The following DCLK3 variants were observed in gnomAD, a reference collection of about 807,000 sequenced individuals.
DCLK3 encodes serine/threonine-protein kinase DCLK3.
Under a neutral mutation model 46.4 loss-of-function variants are expected in DCLK3, and 30 were observed. That is an observed-to-expected ratio of 0.65 (90% confidence interval 0.48 to 0.88). DCLK3 has a LOEUF of 0.88. Ranked by LOEUF, DCLK3 falls within the 40% of genes least tolerant of loss-of-function variation. The pLI is 0.00. For missense variants in DCLK3, 846 were observed against 907.1 expected (o/e 0.93, Z 0.87); for synonymous variants, 401 against 339.2 (o/e 1.18, Z -2.00).
chr3:36,727,866 G>A (rs976954900), intron 2 of DCLK3, among the ~76,000 whole-genome samples: 5 of 152,082 alleles, frequency 3.3e-5, no homozygotes, highest in African/African-American at 9.7e-5. Context: ...GCTTATTTTT[G>A]CAACAAGCAC....
In DCLK3 at chr3:36,715,030, A is replaced by T; in HGVS notation, c.*298T>A. ...GGTAAGCACCACTCCTGTAGTACAGAATAAACTTGGTTACAAAGGGGAAGC... is the reference window on the plus strand; with the variant it reads ...GGTAAGCACCACTCCTGTAGTACAGTATAAACTTGGTTACAAAGGGGAAGC... On this transcript the variant is annotated 3_prime_UTR_variant, in exon 5 of 5. Coordinates refer to ENST00000636136, the MANE Select transcript of DCLK3 (RefSeq NM_001394672.2). 1 of 345,238 alleles carries T rather than the reference A, an allele frequency of 2.9e-6. No homozygotes were observed. The highest frequency in any genetic ancestry group is 5.4e-6 in the Non-Finnish European group (1 of 186,894). 21.4% of individuals were successfully genotyped at this position (345,238 alleles called of 1,614,324 possible). A position where few individuals can be genotyped will look rare whatever the true frequency, so the allele number is the denominator to read the frequency against.
chr3:36,715,372 G>C lies in DCLK3; in HGVS notation c.2410C>G (p.His804Asp), dbSNP rs200497284. 3.7e-6 allele frequency: 6 copies of C among 1,614,032 alleles called. No individual in the cohort carries two copies. The African/African-American group carries it at 8.0e-5, about 22-fold the overall frequency. ...QKQVSPSSEG[H>D]FRSQHKRVVE... ...ACCCTCTTGTGCTGGCTCCGGAAGTGACCCTCGCTGCTGGGGGACACCTGC... is the reference window on the plus strand; with the variant it reads ...ACCCTCTTGTGCTGGCTCCGGAAGTCACCCTCGCTGCTGGGGGACACCTGC... Residue 804 changes from histidine to aspartate, a missense_variant, in exon 5 of 5, where the codon CAC becomes GAC. Around this residue, in one of 3 missense-constraint regions of DCLK3, gnomAD observed 46 missense variants for 41.3 expected, o/e 1.11. Coordinates refer to ENST00000636136, the MANE Select transcript of DCLK3 (RefSeq NM_001394672.2).
chr3:36,750,242 A>G (rs556811121), intron 1 of DCLK3, among the ~76,000 whole-genome samples: 3 of 151,960 alleles, frequency 2.0e-5, no homozygotes, highest in Non-Finnish European at 4.4e-5. Context: ...TACCACGCCC[A>G]GTTAATTTTT....
chr3:36,746,883 G>A (rs1341084046), intron 1 of DCLK3, among the ~76,000 whole-genome samples: 1 of 152,174 alleles, frequency 6.6e-6, no homozygotes, highest in Admixed American at 6.5e-5. Context: ...AGTCTGGGTG[G>A]GGCCTGACAG....
At chr3:36,716,572 AC>A (rs1700983165) in intron 4 of DCLK3, among the ~76,000 whole-genome samples, 1 of 152,136 alleles carries the variant, frequency 6.6e-6, no homozygotes, top group African/African-American at 2.4e-5. Context: ...ACAACCAGAC[AC>A]CCCAGGCAAC....
intron 2 of DCLK3, among the ~76,000 whole-genome samples, 196 bp from the exon 3 acceptor site, chr3:36,721,855 T>C (rs1701065745): frequency 6.6e-6 from 1 of 152,130 alleles, no homozygotes; most frequent in Admixed American, 6.6e-5. Flanking sequence ...AACCAATGAG[T>C]TAGATTTACT....
rs1575141431 is a variant in DCLK3, at chr3:36,737,098, A to T, written c.1959+110T>A. ...TGGAACAAGTATGTTATAATAACAT[A>T]AAAGTAAAATTCTAGTGTGTAAAGG... On this transcript the variant is annotated intron_variant, in intron 2 of 4. Transcript: ENST00000636136. This position sits in a 1 kb window ranked among gnomAD's most constrained non-coding sequence, Gnocchi z 4.4. 1.4e-6 allele frequency: 2 copies of T among 1,398,172 alleles called. No homozygotes were observed. The highest frequency in any genetic ancestry group is 5.0e-5 in the East Asian group (2 of 40,058). 86.6% of individuals were successfully genotyped at this position (1,398,172 alleles called of 1,614,324 possible).
Position 36,713,617 on chromosome 3 carries a change from G to C in DCLK3, c.*1711C>G, listed in dbSNP as rs1176905574. The stretch of plus-strand genomic sequence containing the variant: ...TTCAAGTTTCTAGGGGGTGTCAACG[G>C]TTTGGTTTCCCGAGAAGCCAACTCT... On this transcript the variant is annotated 3_prime_UTR_variant, in exon 5 of 5. Transcript: ENST00000636136. The C allele has an allele frequency of 1.3e-5, 2 of 152,268 alleles. No individual in the cohort carries two copies. Among genetic ancestry groups the C allele is most frequent in the African/African-American group, 2.4e-5 (1 of 41,542 alleles). 9.4% of individuals were successfully genotyped at this position (152,268 alleles called of 1,614,324 possible).
In DCLK3 at chr3:36,737,885, C is replaced by T. The variant is rs764405438; in HGVS notation, c.1282G>A (p.Glu428Lys). ...ATGGGCCTGGTGTCCTTCTTCACCTCCCTCAGCCCCTCCTCTGTGACAGGA... is the reference window on the plus strand; with the variant it reads ...ATGGGCCTGGTGTCCTTCTTCACCTTCCTCAGCCCCTCCTCTGTGACAGGA... ...VLPVTEEGLR[E>K]VKKDTRPMSR... Residue 428 changes from glutamate (E) to lysine (K), a missense_variant, in exon 2 of 5, where the codon GAG becomes AAG. By Grantham distance (56) the Glu-to-Lys change is moderately conservative. Transcript: ENST00000636136. This position sits in a 1 kb window ranked among gnomAD's most constrained non-coding sequence, Gnocchi z 4.4. The T allele has an allele frequency of 6.2e-7, 1 of 1,613,998 alleles. No individual in the cohort carries two copies. Among genetic ancestry groups the T allele is most frequent in the South Asian group, 1.1e-5 (1 of 91,076 alleles).
At chr3:36,720,190 G>A (rs1480263451) in intron 3 of DCLK3, among the ~76,000 whole-genome samples, 1 of 152,058 alleles carries the variant, frequency 6.6e-6, no homozygotes, top group East Asian at 1.9e-4. Flanking sequence ...AGAAGTCTGG[G>A]ACCTCCCTCT....
intron 2 of DCLK3, among the ~76,000 whole-genome samples, chr3:36,735,533 C>A (rs1161747942): frequency 6.6e-6 from 1 of 152,180 alleles, no homozygotes; most frequent in Non-Finnish European, 1.5e-5. Context: ...GCTTGTGAGA[C>A]CAGTTTACAG....
chr3:36,732,957 T>C (rs1701218148), intron 2 of DCLK3, among the ~76,000 whole-genome samples: 1 of 152,224 alleles, frequency 6.6e-6, no homozygotes, highest in South Asian at 2.1e-4. Flanking sequence ...AACAGGTTCA[T>C]GGTAAAGGGA....
At chr3:36,716,642 G>C (rs1700984142) in intron 4 of DCLK3, among the ~76,000 whole-genome samples, 1 of 152,268 alleles carries the variant, frequency 6.6e-6, no homozygotes, top group Non-Finnish European at 1.5e-5. Context: ...TTATGGCATA[G>C]TGGGAAGAGG....
intron 2 of DCLK3, among the ~76,000 whole-genome samples, chr3:36,730,073 G>A (rs1488725062): frequency 6.6e-6 from 1 of 152,032 alleles, no homozygotes; most frequent in African/African-American, 2.4e-5. Flanking sequence ...CAGCTACTTG[G>A]GAGGCTAAGG....
intron 4 of DCLK3, among the ~76,000 whole-genome samples, chr3:36,716,089 C>T (rs1410794494): frequency 6.6e-6 from 1 of 152,136 alleles, no homozygotes; most frequent in African/African-American, 2.4e-5. Context: ...GTAAATAGTG[C>T]AAATTCAAAA....
intron 1 of DCLK3, among the ~76,000 whole-genome samples, chr3:36,751,551 T>A (rs943036032): frequency 6.6e-6 from 1 of 152,256 alleles, no homozygotes; most frequent in Non-Finnish European, 1.5e-5. Flanking sequence ...ACAGCCCAAC[T>A]GCTGCATCTA....
chr3:36,715,174 A>G lies in DCLK3; in HGVS notation c.*154T>C. The stretch of plus-strand genomic sequence containing the variant: ...TGTTGTGACATTTAACATTGACTTA[A>G]TTTTTTTAATATGCTTTAAAATATA... On this transcript the variant is annotated 3_prime_UTR_variant, in exon 5 of 5. Coordinates refer to ENST00000636136, the MANE Select transcript of DCLK3 (RefSeq NM_001394672.2). The G allele has an allele frequency of 1.2e-6, 1 of 834,088 alleles. No homozygotes were observed. The highest frequency in any genetic ancestry group is 2.6e-5 in the South Asian group (1 of 38,218). The allele number at this position is 834,088 out of a possible 1,614,324, so 51.7% of individuals were successfully genotyped here. A position where few individuals can be genotyped will look rare whatever the true frequency, so the allele number is the denominator to read the frequency against.
intron 3 of DCLK3, among the ~76,000 whole-genome samples, chr3:36,718,495 G>T (rs1024861038): frequency 2.0e-5 from 3 of 152,206 alleles, no homozygotes; most frequent in African/African-American, 7.2e-5. Flanking sequence ...AGACTGTGAC[G>T]CTCAGTTGCA....
chr3:36,761,173 C>A (rs1395618843), intron 1 of DCLK3, among the ~76,000 whole-genome samples: 2 of 152,246 alleles, frequency 1.3e-5, no homozygotes, highest in South Asian at 4.1e-4. Flanking sequence ...CATCATGATG[C>A]CTCTACATAC....
Sources: allele counts gnomAD v4.1 joint callset (sites outside exome capture counted in the v4.1 genomes callset), GRCh38; gene constraint gnomAD v4.1.1; regional missense constraint gnomAD v4.1.1; non-coding constraint Gnocchi (gnomAD v3.1); transcripts MANE v1.5; gene names NCBI Gene and HGNC (gene_info 2026-07-23, HGNC 2026-07-21).